DNAH3: variants seen among roughly 807,000 people sequenced by gnomAD.
DNAH3 encodes the protein dynein axonemal heavy chain 3.
DNAH3 carries 332 observed loss-of-function variants against 432.5 expected under a neutral mutation model. The ratio of observed to expected loss-of-function variants is 0.77; its 90% confidence interval spans 0.70 to 0.84. The LOEUF is 0.84. Among genes scored for constraint, DNAH3 ranks in the 40% least tolerant of loss-of-function variants. The pLI is 0.00. For synonymous variants in DNAH3, 1,956 were observed against 1,900.2 expected (o/e 1.03, Z -0.76); for missense variants, 4,861 against 5,114.0 (o/e 0.95, Z 1.51).
chr16:21,125,442 G>A (rs1160356885), intron 8 of DNAH3, 72 bp from the exon 10 acceptor site: 6 of 1,331,050 alleles, frequency 4.5e-6, no homozygotes, highest in Non-Finnish European at 6.1e-6. Flanking sequence ...CGTGCCCCCT[G>A]AGCTCAGTGA....
Position 21,145,263 on chromosome 16 carries a change from C to G in DNAH3, c.366G>C (p.Lys122Asn). 2.5e-6 allele frequency: 4 copies of G among 1,613,992 alleles called. No homozygotes were observed. The South Asian group carries it at 3.3e-5, about 13-fold the overall frequency. Residue 122 changes from lysine to asparagine, a missense_variant, in exon 3 of 62, where the codon AAG (lysine) becomes AAC (asparagine). Physicochemically the swap from Lys to Asn is moderately conservative, Grantham distance 94. Coordinates refer to ENST00000261383, the Ensembl canonical transcript of DNAH3. Reference sequence around the variant, plus strand: ...GGTAGACCTTCAGCAGATCTTTCAGCTTCAGGTCCTGGGCCATCAAGGAGT... The same window carrying G: ...GGTAGACCTTCAGCAGATCTTTCAGGTTCAGGTCCTGGGCCATCAAGGAGT...
chr16:21,135,451 G>A lies in DNAH3; in HGVS notation c.886+873C>T, dbSNP rs138635136. Among the ~76,000 whole-genome samples, 65 of 152,330 alleles carry A rather than the reference G, an allele frequency of 4.3e-4. 1 individual carries two copies. The highest frequency in any genetic ancestry group is 2.3e-3 in the South Asian group (11 of 4,828). On this transcript the variant is annotated intron_variant, in intron 6 of 61. Transcript: ENST00000261383. ...CTCACACCTGTAATCCCAGCACTTT[G>A]AGAGGCTGAGGTGGGTAGATCACTT...
At chr16:20,948,982 C>G (rs34619509) in intron 56 of DNAH3, among the ~76,000 whole-genome samples, 11,268 of 152,146 alleles carry the variant, frequency 0.074, 555 homozygotes, top group East Asian at 0.17. Context: ...AGCTGGACAT[C>G]AGAGAGAAGA....
chr16:20,988,956 T>TG (rs1408848648), intron 44 of DNAH3, among the ~76,000 whole-genome samples: 1 of 152,182 alleles, frequency 6.6e-6, no homozygotes, highest in Non-Finnish European at 1.5e-5. Context: ...GGTGGACTCG[T>TG]GGTCTCGCTG....
Position 20,987,422 on chromosome 16 carries a change from C to T in DNAH3, c.6909G>A (p.Trp2303Ter), listed in dbSNP as rs1567589226. The change falls in exon 47 of 62, where the codon TGG (tryptophan) becomes TGA (stop). Residue 2303 changes from tryptophan to a stop codon, truncating the protein, a stop_gained. Coordinates refer to ENST00000261383, the Ensembl canonical transcript of DNAH3. LOFTEE classifies it high-confidence loss of function. ...AGAAGACCCGATAAACCTCATGGAT[C>T]CAAAGCCGGATACATTTTTCTACAT... 6.2e-7 allele frequency: 1 copy of T among 1,613,988 alleles called. No individual in the cohort carries two copies. Among genetic ancestry groups the T allele is most frequent in the Non-Finnish European group, 8.5e-7 (1 of 1,179,994 alleles).
At chr16:21,114,178 T>A (rs574600024) in intron 12 of DNAH3, among the ~76,000 whole-genome samples, 126 of 152,316 alleles carry the variant, frequency 8.3e-4, no homozygotes, top group African/African-American at 2.9e-3. Flanking sequence ...CTCGGGTAGC[T>A]GTAACTGCAG....
In DNAH3 at chr16:21,067,763, G is replaced by GGGGT. The variant is rs1324382456; in HGVS notation, c.3382-345_3382-344insACCC. 5.8e-3 allele frequency among the ~76,000 whole-genome samples: 496 copies of GGGGT among 85,484 alleles called. 8 individuals carry two copies. Among genetic ancestry groups the GGGGT allele is most frequent in the East Asian group, 0.018 (25 of 1,366 alleles). The allele number at this position is 85,484 out of a possible 152,430, so 56.1% of individuals were successfully genotyped here. On this transcript the variant is annotated intron_variant, in intron 23 of 61. Coordinates refer to ENST00000261383, the Ensembl canonical transcript of DNAH3. ...TGATAGAGAAAGCCAGTCTTGGGGG[G>GGGGT]GGGGGTGGGGAGGGAGAGAGAGAGA...
intron 41 of DNAH3, among the ~76,000 whole-genome samples, chr16:21,011,641 G>GA (rs1247018935): frequency 6.6e-6 from 1 of 152,078 alleles, no homozygotes; most frequent in Non-Finnish European, 1.5e-5. Context: ...GATTACAGGG[G>GA]CGAGCCACCG....
chr16:20,985,751 G>A, intron 47 of DNAH3, 36 bp from the exon 48 acceptor site: 1 of 1,591,984 alleles, frequency 6.3e-7, no homozygotes, highest in Non-Finnish European at 8.6e-7. Flanking sequence ...GGCATTCAGT[G>A]AATGGCCCAG....
At chr16:21,011,106 G>A (rs2087581011) in intron 41 of DNAH3, among the ~76,000 whole-genome samples, 2 of 151,944 alleles carry the variant, frequency 1.3e-5, no homozygotes, top group South Asian at 4.2e-4. Context: ...AACTGAGTGG[G>A]AGCTGTGCAC....
rs371141677 is a variant in DNAH3, at chr16:21,028,337, C to A, written c.5440-1210G>T. ...AGGATCACAAGCATAAGCCACCGTG[C>A]CTGGCCCATAAATCTTTTTTAGAAT... On this transcript the variant is annotated intron_variant, in intron 37 of 61. Transcript: ENST00000261383. 1.4e-3 allele frequency among the ~76,000 whole-genome samples: 215 copies of A among 152,142 alleles called. 8 individuals carry two copies. The South Asian group carries it at 0.044, about 31-fold the overall frequency.
At chr16:20,985,858 T>TG in intron 47 of DNAH3, 143 bp from the exon 48 acceptor site, 3 of 861,208 alleles carry the variant, frequency 3.5e-6, no homozygotes, top group Non-Finnish European at 5.3e-6. Flanking sequence ...AGTTTTGTTT[T>TG]GTTTCGTTTT....
rs539128127 is a variant in DNAH3 at position 21,153,364 on chromosome 16, C to A, written c.117+5961G>T. Among the ~76,000 whole-genome samples, 11 of 152,144 alleles carry A rather than the reference C, an allele frequency of 7.2e-5. No homozygotes were observed. The East Asian group carries it at 2.1e-3, about 29-fold the overall frequency. On this transcript the variant is annotated intron_variant, in intron 1 of 61. Transcript: ENST00000261383. ...GCTATTCTGGTGGGGCCTTGGAGAACCTTTGTGTGGACACTCTGTGTCTAG... is the reference window on the plus strand; with the variant it reads ...GCTATTCTGGTGGGGCCTTGGAGAAACTTTGTGTGGACACTCTGTGTCTAG...
At chr16:21,131,380 G>A (rs112453505) in intron 7 of DNAH3, among the ~76,000 whole-genome samples, 35 of 149,458 alleles carry the variant, frequency 2.3e-4, no homozygotes, top group African/African-American at 7.4e-4. Context: ...GAGGAAGGAA[G>A]GAAGGAAGGA....
intron 41 of DNAH3, among the ~76,000 whole-genome samples, chr16:21,006,758 C>G (rs2046651418): frequency 6.6e-6 from 1 of 152,178 alleles, no homozygotes; most frequent in Admixed American, 6.5e-5. Context: ...CAATCTTGCT[C>G]ATTGCAACCT....
At chr16:20,969,034 G>A (rs1489856774) in intron 52 of DNAH3, among the ~76,000 whole-genome samples, 1 of 151,536 alleles carries the variant, frequency 6.6e-6, no homozygotes, top group Non-Finnish European at 1.5e-5. Context: ...TCTCCTGTAT[G>A]TCTGCATCTC....
In DNAH3 at chr16:21,153,557, C is replaced by T. The variant is rs150762494; in HGVS notation, c.117+5768G>A. On this transcript the variant is annotated intron_variant, in intron 1 of 61. Coordinates refer to ENST00000261383, the Ensembl canonical transcript of DNAH3. ...TGCCCGGGCCAGCAGTGGCAAGCCG[C>T]TTGATCCCCTTCTACAACGTGGAAG... Among the ~76,000 whole-genome samples, 575 of 152,302 alleles carry T rather than the reference C, an allele frequency of 3.8e-3. 2 individuals are homozygous for T. The highest frequency in any genetic ancestry group is 0.014 in the Middle Eastern group (4 of 294).
chr16:21,124,531 C>G (rs765701225), intron 9 of DNAH3, among the ~76,000 whole-genome samples: 65 of 152,134 alleles, frequency 4.3e-4, no homozygotes, highest in Non-Finnish European at 2.1e-4. Flanking sequence ...GGTTTTATAC[C>G]TCTCTTTAAA....
chr16:21,075,239 G>T (rs1036163851), intron 21 of DNAH3, among the ~76,000 whole-genome samples: 3 of 152,112 alleles, frequency 2.0e-5, no homozygotes, highest in Non-Finnish European at 4.4e-5. Context: ...TGAATCAAAA[G>T]ACTTGTCTGA....
Sources: allele counts gnomAD v4.1 joint callset (sites outside exome capture counted in the v4.1 genomes callset), GRCh38; gene constraint gnomAD v4.1.1; transcripts MANE v1.5; gene names NCBI Gene and HGNC (gene_info 2026-07-23, HGNC 2026-07-21).